NHSL1: variants seen among roughly 807,000 people sequenced by gnomAD.
NHSL1 encodes NHS like 1, also known as NHS-like protein 1.
In NHSL1, 48 loss-of-function variants were observed where a neutral mutation model predicts 95.0. That is an observed-to-expected ratio of 0.51 (90% CI 0.40 to 0.64). NHSL1 has a LOEUF of 0.64. NHSL1 is among the 30% of genes least tolerant of loss of function. The pLI is 0.00. For synonymous variants in NHSL1, 783 were observed against 833.9 expected (o/e 0.94, Z 1.05); for missense variants, 1,971 against 2,077.7 (o/e 0.95, Z 1.00).
rs558381224 is a variant in NHSL1 at position 138,628,473 on chromosome 6, C to T, written c.96+64003G>A. On this transcript the variant is annotated intron_variant, in intron 1 of 3. Coordinates refer to the NHSL1 transcript ENST00000491526. ...TTGAGTTACTGTATGGAGCTGAAGACGATAGCTTTATCTTCACACTTTGTA... is the reference window on the plus strand; with the variant it reads ...TTGAGTTACTGTATGGAGCTGAAGATGATAGCTTTATCTTCACACTTTGTA... Among the ~76,000 whole-genome samples the T allele has an allele frequency of 3.3e-5, 5 of 152,256 alleles. 1 individual carries two copies. Among genetic ancestry groups the T allele is most frequent in the East Asian group, 3.9e-4 (2 of 5,182 alleles).
chr6:138,623,165 G>A (rs1784689044), intron 1 of NHSL1, among the ~76,000 whole-genome samples: 1 of 152,180 alleles, frequency 6.6e-6, no homozygotes, highest in Non-Finnish European at 1.5e-5. Context: ...AATGCGATGG[G>A]AATGTGGGCA....
chr6:138,498,510 A>G (rs954855967), intron 1 of NHSL1, among the ~76,000 whole-genome samples: 3 of 152,212 alleles, frequency 2.0e-5, no homozygotes, highest in African/African-American at 7.2e-5. Context: ...TCATTTATCC[A>G]GTATAAGTCA....
intron 1 of NHSL1, among the ~76,000 whole-genome samples, chr6:138,558,692 T>A (rs1414005611): frequency 1.3e-5 from 2 of 152,166 alleles, no homozygotes; most frequent in Non-Finnish European, 2.9e-5. Context: ...GTGCTGGGAT[T>A]ACAGGCACGA....
At chr6:138,522,719 G>A (rs1374306589) in intron 1 of NHSL1, among the ~76,000 whole-genome samples, 1 of 152,154 alleles carries the variant, frequency 6.6e-6, no homozygotes, top group Non-Finnish European at 1.5e-5. Flanking sequence ...GCTGAGCTAG[G>A]AAGATCACTT....
At chr6:138,488,583 CT>C (rs1459182454) in intron 2 of NHSL1, among the ~76,000 whole-genome samples, 5 of 152,124 alleles carry the variant, frequency 3.3e-5, no homozygotes, top group Non-Finnish European at 7.3e-5. Flanking sequence ...GTGATGCTTC[CT>C]TTATTTCTCT....
At chr6:138,505,877 G>T (rs1266282093) in intron 1 of NHSL1, among the ~76,000 whole-genome samples, 1 of 152,112 alleles carries the variant, frequency 6.6e-6, no homozygotes, top group African/African-American at 2.4e-5. Context: ...TTTACTGATT[G>T]TTAATTCATT....
intron 1 of NHSL1, among the ~76,000 whole-genome samples, chr6:138,562,441 G>A (rs1347734923): frequency 6.6e-6 from 1 of 152,140 alleles, no homozygotes; most frequent in Non-Finnish European, 1.5e-5. Flanking sequence ...GAGGTCAGGA[G>A]TTTGAGACCA....
chr6:138,593,129 A>G (rs1784255410), intron 1 of NHSL1, among the ~76,000 whole-genome samples: 1 of 152,220 alleles, frequency 6.6e-6, no homozygotes, highest in Admixed American at 6.5e-5. Context: ...TCAAAGACTT[A>G]TTGAATCCTG....
chr6:138,491,061 T>C (rs1379472802), intron 2 of NHSL1, among the ~76,000 whole-genome samples: 1 of 152,204 alleles, frequency 6.6e-6, no homozygotes, highest in East Asian at 1.9e-4. Flanking sequence ...ATAATAAATA[T>C]AACCCTCTGA....
At chr6:138,529,553 G>C (rs989142531) in intron 1 of NHSL1, among the ~76,000 whole-genome samples, 6 of 152,150 alleles carry the variant, frequency 3.9e-5, no homozygotes, top group African/African-American at 1.4e-4. Flanking sequence ...TTGGCTGGGG[G>C]CCTTGCTTAG....
chr6:138,535,879 G>T (rs1334457480), intron 1 of NHSL1, among the ~76,000 whole-genome samples: 4 of 152,192 alleles, frequency 2.6e-5, no homozygotes, highest in Non-Finnish European at 5.9e-5. Context: ...GTGAGGATCT[G>T]CTCTGGCAGA....
upstream of NHSL1, among the ~76,000 whole-genome samples, chr6:138,550,232 C>T (rs753693542): frequency 8.6e-5 from 13 of 151,762 alleles, no homozygotes; most frequent in Non-Finnish European, 1.3e-4. Context: ...GAGTGAGACT[C>T]TATCTCCAAA....
chr6:138,461,157 T>G (rs1777970931), intron 3 of NHSL1, among the ~76,000 whole-genome samples: 1 of 151,752 alleles, frequency 6.6e-6, no homozygotes, highest in Non-Finnish European at 1.5e-5. Context: ...AGAAGGAAGT[T>G]TTTTTTTTGG....
At chr6:138,641,875 A>G (rs549353904) in intron 1 of NHSL1, among the ~76,000 whole-genome samples, 40 of 152,160 alleles carry the variant, frequency 2.6e-4, no homozygotes, top group Non-Finnish European at 5.1e-4. Flanking sequence ...ATTTTCTTCG[A>G]TTTCTATAAA....
intron 1 of NHSL1, among the ~76,000 whole-genome samples, chr6:138,631,496 A>G (rs1366182887): frequency 6.6e-6 from 1 of 152,104 alleles, no homozygotes; most frequent in African/African-American, 2.4e-5. Flanking sequence ...TGAGGAGGAC[A>G]TTGTCTTGCA....
Position 138,422,804 on chromosome 6 carries a change from C to A in NHSL1, c.*1277G>T, listed in dbSNP as rs1220917933. On this transcript the variant is annotated 3_prime_UTR_variant, in exon 8 of 8. Coordinates refer to ENST00000343505, the MANE Select transcript of NHSL1 (RefSeq NM_001144060.2). ...GCACAAACCAAATGATGCAAAAAAACCTTTTTAATCTAAAAATTCATTTCC... is the reference window on the plus strand; with the variant it reads ...GCACAAACCAAATGATGCAAAAAAAACTTTTTAATCTAAAAATTCATTTCC... The A allele has an allele frequency of 6.6e-6, 1 of 152,108 alleles. No homozygotes were observed. The highest frequency in any genetic ancestry group is 2.4e-5 in the African/African-American group (1 of 41,438). The allele number at this position is 152,108 out of a possible 1,614,324, so 9.4% of individuals were successfully genotyped here. A position where few individuals can be genotyped will look rare whatever the true frequency, so the allele number is the denominator to read the frequency against.
At chr6:138,580,102 G>A (rs1784030447) in intron 1 of NHSL1, among the ~76,000 whole-genome samples, 8 of 152,192 alleles carry the variant, frequency 5.3e-5, no homozygotes, top group Admixed American at 5.2e-4. Context: ...TCCAAACAAG[G>A]AAAGAGACAG....
At position 138,599,663 on chromosome 6, in the gene NHSL1, C is replaced by G. The variant is rs966773707; in HGVS notation, c.96+92813G>C. Among the ~76,000 whole-genome samples the G allele has an allele frequency of 2.0e-5, 3 of 152,126 alleles. No homozygotes were observed. In the South Asian group the frequency reaches 6.2e-4, roughly 32 times the overall value. On this transcript the variant is annotated intron_variant, in intron 1 of 3. Transcript: ENST00000491526. ...AGTTTCTCATTCAGTGCTTGAGATA[C>G]CTTAAGATGATCAAATCACAAATGC...
Position 138,465,934 on chromosome 6 carries a change from G to C in NHSL1, c.339+7372C>G, listed in dbSNP as rs1562298291. Among the ~76,000 whole-genome samples the C allele has an allele frequency of 2.0e-5, 3 of 150,902 alleles. No individual in the cohort carries two copies. The Admixed American group carries it at 2.0e-4, about 10-fold the overall frequency. On this transcript the variant is annotated intron_variant, in intron 3 of 7. Transcript: ENST00000343505. ...AGACGGGGTTTTACCATGTTGTCCA[G>C]GCTGGTCTCAAACTCCTGACCTTAG...
Sources: allele counts gnomAD v4.1 joint callset (sites outside exome capture counted in the v4.1 genomes callset), GRCh38; gene constraint gnomAD v4.1.1; transcripts MANE v1.5; gene names NCBI Gene and HGNC (gene_info 2026-07-23, HGNC 2026-07-21).